The following NELL1 variants were observed in gnomAD, a reference collection of about 807,000 sequenced individuals.
The protein encoded by NELL1 is neural EGFL like 1, also known as protein kinase C-binding protein NELL1.
NELL1 carries 76 observed loss-of-function variants against 107.4 expected under a neutral mutation model. The observed-to-expected ratio is 0.71, with a 90% CI of 0.59 to 0.86. The LOEUF is 0.86. NELL1 is among the 40% of genes least tolerant of loss of function. NELL1 has a pLI of 0.00. For synonymous variants in NELL1, 353 were observed against 341.2 expected (o/e 1.03, Z -0.38); for missense variants, 1,024 against 1,005.5 (o/e 1.02, Z -0.25).
intron 14 of NELL1, among the ~76,000 whole-genome samples, chr11:21,251,412 A>T (rs1031482975): frequency 1.3e-5 from 2 of 152,148 alleles, no homozygotes; most frequent in East Asian, 1.9e-4. Flanking sequence ...ATGCAATTGA[A>T]GATCCAAGCA....
intron 3 of NELL1, among the ~76,000 whole-genome samples, chr11:20,802,285 C>G (rs889214583): frequency 6.6e-6 from 1 of 151,950 alleles, no homozygotes; most frequent in African/African-American, 2.4e-5. Flanking sequence ...TTCAAGTTTT[C>G]TGTATAGAGA....
rs1379602650 is a variant in NELL1, at chr11:21,370,834, CTT to C, written c.1550-17_1550-16del. 1 of 1,598,710 alleles carries C rather than the reference CTT, an allele frequency of 6.3e-7. No individual in the cohort carries two copies. Among genetic ancestry groups the C allele is most frequent in the African/African-American group, 1.3e-5 (1 of 74,624 alleles). On this transcript the variant is annotated splice_polypyrimidine_tract_variant and intron_variant, in intron 14 of 19. Transcript: ENST00000357134. ...TATTGCATTTTATCTAAGATAAATA[CTT>C]TGTTCTCTTGCAACAGCTTTCTGTG...
chr11:21,396,976 C>A (rs561652373), intron 15 of NELL1, among the ~76,000 whole-genome samples: 3 of 151,638 alleles, frequency 2.0e-5, no homozygotes, highest in Non-Finnish European at 3.0e-5. Context: ...TATCTTTTCC[C>A]TGATGATTTT....
chr11:21,327,644 G>A (rs1463061938), intron 14 of NELL1, among the ~76,000 whole-genome samples: 1 of 152,170 alleles, frequency 6.6e-6, no homozygotes, highest in Non-Finnish European at 1.5e-5. Context: ...TTTGGAACTG[G>A]GTAACAGGAA....
chr11:21,050,419 C>CT (rs202186693), intron 12 of NELL1, among the ~76,000 whole-genome samples: 2,823 of 146,404 alleles, frequency 0.019, 76 homozygotes, highest in African/African-American at 0.064. Flanking sequence ...TTTAAATTGG[C>CT]TTTTTTTTTT....
intron 15 of NELL1, among the ~76,000 whole-genome samples, chr11:21,418,948 G>T (rs1188632041): frequency 6.6e-6 from 1 of 152,096 alleles, no homozygotes; most frequent in Non-Finnish European, 1.5e-5. Flanking sequence ...TGTTGAGGTT[G>T]TTTATTACTA....
At position 20,913,283 on chromosome 11, in the gene NELL1, G is replaced by T. The variant is rs190136319; in HGVS notation, c.604-4899G>T. On this transcript the variant is annotated intron_variant, in intron 5 of 19. Transcript: ENST00000357134. ...CAAAGCAATTTGTTTCAGTATTTTA[G>T]CATACAAAAAAATAGAACCATTTTC... Among the ~76,000 whole-genome samples the T allele has an allele frequency of 3.2e-3, 490 of 151,246 alleles. 3 individuals are homozygous for T. The highest frequency in any genetic ancestry group is 0.011 in the African/African-American group (474 of 41,418).
intron 14 of NELL1, among the ~76,000 whole-genome samples, chr11:21,229,966 G>A (rs986329587): frequency 6.6e-6 from 1 of 152,104 alleles, no homozygotes; most frequent in East Asian, 1.9e-4. Flanking sequence ...TTCAGCATCT[G>A]GTCCCTGGCT....
At chr11:20,670,815 C>T (rs925709155) in intron 1 of NELL1, among the ~76,000 whole-genome samples, 4 of 152,150 alleles carry the variant, frequency 2.6e-5, no homozygotes, top group Non-Finnish European at 5.9e-5. Flanking sequence ...TGTGGTCATT[C>T]CCTTTCCCTT....
At chr11:20,774,013 G>A (rs1325799464) in intron 2 of NELL1, among the ~76,000 whole-genome samples, 16 of 118,858 alleles carry the variant, frequency 1.3e-4, no homozygotes, top group South Asian at 8.7e-4. Flanking sequence ...CCTTCCCTCC[G>A]TTCCTTTTTT....
At chr11:21,138,498 T>C (rs1672823198) in intron 13 of NELL1, among the ~76,000 whole-genome samples, 1 of 152,194 alleles carries the variant, frequency 6.6e-6, no homozygotes, top group East Asian at 1.9e-4. Flanking sequence ...ACCTAAATAT[T>C]GTTTTGGGTG....
chr11:20,992,838 C>T (rs529415606), intron 12 of NELL1, among the ~76,000 whole-genome samples: 9 of 151,834 alleles, frequency 5.9e-5, no homozygotes, highest in South Asian at 2.1e-4. Flanking sequence ...CCTCAGCCTC[C>T]TGAGTAGCTG....
chr11:21,118,432 C>G (rs1198067398), intron 13 of NELL1, among the ~76,000 whole-genome samples: 2 of 151,952 alleles, frequency 1.3e-5, no homozygotes, highest in Admixed American at 1.3e-4. Flanking sequence ...GCTTGTTAGA[C>G]CAAACGTGCT....
chr11:21,004,567 A>G (rs1852290334), intron 12 of NELL1, among the ~76,000 whole-genome samples: 1 of 152,088 alleles, frequency 6.6e-6, no homozygotes, highest in Admixed American at 6.6e-5. Context: ...GGAGGTTTTC[A>G]GATACCAGGT....
chr11:20,844,199 G>A (rs547451212), intron 3 of NELL1, among the ~76,000 whole-genome samples: 7 of 152,188 alleles, frequency 4.6e-5, no homozygotes, highest in South Asian at 2.1e-4. Context: ...CATGCCTAGC[G>A]CATGGTGACC....
intron 12 of NELL1, among the ~76,000 whole-genome samples, chr11:21,048,080 C>G (rs1243240587): frequency 6.6e-6 from 1 of 152,116 alleles, no homozygotes; most frequent in African/African-American, 2.4e-5. Flanking sequence ...CTGTTTCTGA[C>G]TCTTTTACCC....
chr11:21,048,781 C>T (rs565987272), intron 12 of NELL1, among the ~76,000 whole-genome samples: 2 of 152,260 alleles, frequency 1.3e-5, no homozygotes, highest in African/African-American at 4.8e-5. Flanking sequence ...GCTGGCTTCT[C>T]TCATTTTCCT....
chr11:21,491,806 G>A (rs1854824866), intron 15 of NELL1, among the ~76,000 whole-genome samples: 3 of 152,088 alleles, frequency 2.0e-5, no homozygotes, highest in Admixed American at 6.5e-5. Context: ...CCATTTTCAC[G>A]ATATTGATTC....
At chr11:20,678,295 G>A (rs7934627) in intron 2 of NELL1, among the ~76,000 whole-genome samples, 5,469 of 152,214 alleles carry the variant, frequency 0.036, 330 homozygotes, top group African/African-American at 0.12. Flanking sequence ...TTTTGGTGAG[G>A]ATCTAAAGTG....
Sources: allele counts gnomAD v4.1 joint callset (sites outside exome capture counted in the v4.1 genomes callset), GRCh38; gene constraint gnomAD v4.1.1; transcripts MANE v1.5; gene names NCBI Gene and HGNC (gene_info 2026-07-23, HGNC 2026-07-21).